EEA1: variants seen among roughly 807,000 people sequenced by gnomAD.
The protein encoded by EEA1 is early endosome antigen 1, 162kD.
A neutral mutation model predicts 209.2 loss-of-function variants in EEA1; 111 were observed. That is an observed-to-expected ratio of 0.53 (90% CI 0.45 to 0.62). EEA1 has a LOEUF of 0.62. EEA1 is among the 20% of genes least tolerant of loss of function. The pLI is 0.00. For missense variants in EEA1, 1,343 were observed against 1,530.8 expected (o/e 0.88, Z 2.05); for synonymous variants, 536 against 540.6 (o/e 0.99, Z 0.12).
chr12:92,888,494 G>A (rs1456910826), intron 2 of EEA1, among the ~76,000 whole-genome samples: 3 of 151,610 alleles, frequency 2.0e-5, no homozygotes, highest in Non-Finnish European at 4.4e-5. Flanking sequence ...GGAGAATGGC[G>A]TGAACCCGGG....
intron 9 of EEA1, 36 bp downstream of exon 9, chr12:92,851,075 A>G (rs1451713052): frequency 3.7e-6 from 6 of 1,605,252 alleles, no homozygotes; most frequent in Non-Finnish European, 5.1e-6. Flanking sequence ...ACACAAGCTA[A>G]TATGAATCAC....
At chr12:92,890,111 C>A (rs569229530) in intron 2 of EEA1, among the ~76,000 whole-genome samples, 6 of 152,222 alleles carry the variant, frequency 3.9e-5, no homozygotes, top group Admixed American at 1.3e-4. Flanking sequence ...TACCTGAAGA[C>A]GGGATTTCAA....
chr12:92,842,395 A>G (rs1306885212), intron 10 of EEA1, 70 bp downstream of exon 10: 1 of 794,942 alleles, frequency 1.3e-6, no homozygotes, highest in African/African-American at 1.8e-5. Context: ...ATATTTTTTA[A>G]AGTATGTAAG....
intron 1 of EEA1, among the ~76,000 whole-genome samples, chr12:92,925,144 G>A (rs1219390431): frequency 6.9e-6 from 1 of 144,118 alleles, no homozygotes; most frequent in Non-Finnish European, 1.5e-5. Flanking sequence ...ACCCATCATT[G>A]TCTGCACAGC....
intron 1 of EEA1, 61 bp downstream of exon 1, chr12:92,928,982 C>T (rs1276420639): frequency 1.3e-6 from 2 of 1,533,556 alleles, no homozygotes; most frequent in South Asian, 1.2e-5. Flanking sequence ...GCCCGCGCCG[C>T]GGCCCCGAGC....
intron 1 of EEA1, among the ~76,000 whole-genome samples, chr12:92,904,555 G>T (rs895264823): frequency 6.6e-6 from 1 of 152,138 alleles, no homozygotes; most frequent in Non-Finnish European, 1.5e-5. Context: ...CCTTAAGACT[G>T]CCCTCCCCTT....
intron 15 of EEA1, among the ~76,000 whole-genome samples, chr12:92,815,393 T>A (rs182768376): frequency 3.3e-4 from 50 of 152,288 alleles, no homozygotes; most frequent in Admixed American, 1.2e-3. Flanking sequence ...CCCTTATATT[T>A]GACATCCACA....
rs1875591893 is a variant in EEA1 at position 92,812,974 on chromosome 12, C to T, written c.2043+6G>A. 6.4e-7 allele frequency: 1 copy of T among 1,555,736 alleles called. No homozygotes were observed. The highest frequency in any genetic ancestry group is 8.8e-7 in the Non-Finnish European group (1 of 1,141,114). On this transcript the variant is annotated splice_donor_region_variant and intron_variant, in intron 16 of 28. Coordinates refer to ENST00000322349, the MANE Select transcript of EEA1 (RefSeq NM_003566.4). The stretch of plus-strand genomic sequence containing the variant: ...TGATAGTATGAAATTGCATCTGTTT[C>T]CCTACCTGCTGTTTATCTTGTAATG...
chr12:92,825,259 G>A (rs1592721546), intron 13 of EEA1, among the ~76,000 whole-genome samples: 2 of 152,070 alleles, frequency 1.3e-5, no homozygotes, highest in African/African-American at 4.8e-5. Flanking sequence ...AGACCATCCT[G>A]GCTAACACGG....
chr12:92,891,937 T>C (rs190375538), intron 1 of EEA1, among the ~76,000 whole-genome samples: 3 of 152,316 alleles, frequency 2.0e-5, no homozygotes, highest in Admixed American at 1.3e-4. Flanking sequence ...TTAAACAAAA[T>C]GTATACAACA....
rs184368846 is a variant in EEA1 at position 92,858,961 on chromosome 12, C to T, written c.246-1476G>A. On this transcript the variant is annotated intron_variant, in intron 3 of 28. Coordinates refer to ENST00000322349, the MANE Select transcript of EEA1 (RefSeq NM_003566.4). ...AGGAAAGGATTATACTAAGATCAAC[C>T]GTTCAGCTGCCTATGCTGCTCATTC... 1.8e-4 allele frequency: 125 copies of T among 695,812 alleles called. 2 individuals are homozygous for T. Among genetic ancestry groups the T allele is most frequent in the Admixed American group, 7.6e-4 (37 of 48,672 alleles). The allele number at this position is 695,812 out of a possible 1,614,324, so 43.1% of individuals were successfully genotyped here.
intron 13 of EEA1, among the ~76,000 whole-genome samples, chr12:92,820,070 G>T (rs138471901): frequency 6.6e-6 from 1 of 152,048 alleles, no homozygotes; most frequent in East Asian, 1.9e-4. Flanking sequence ...TGCTTACATT[G>T]TCATGCTTAT....
chr12:92,834,942 C>T (rs761976261), intron 10 of EEA1, among the ~76,000 whole-genome samples: 15 of 151,456 alleles, frequency 9.9e-5, no homozygotes, highest in Non-Finnish European at 2.2e-4. Flanking sequence ...TGCAGTGGCG[C>T]GATCTCAGCT....
chr12:92,819,566 C>T, intron 13 of EEA1, 55 bp from the exon 14 acceptor site: 2 of 1,260,068 alleles, frequency 1.6e-6, no homozygotes, highest in African/African-American at 1.5e-5. Context: ...AAAGTTATTC[C>T]TCAAACATAA....
At chr12:92,874,485 C>G (rs935432832) in intron 2 of EEA1, among the ~76,000 whole-genome samples, 6 of 152,240 alleles carry the variant, frequency 3.9e-5, no homozygotes, top group Non-Finnish European at 8.8e-5. Context: ...CCTGCCTCAG[C>G]CTCCCGAGTA....
At chr12:92,921,759 G>GAAAAAAAAAAA (rs751838383) in intron 1 of EEA1, among the ~76,000 whole-genome samples, 1 of 76,714 alleles carries the variant, frequency 1.3e-5, no homozygotes, top group East Asian at 5.5e-4. Context: ...TAAAAAAAAA[G>GAAAAAAAAAAA]AAAAAAAAAA....
intron 26 of EEA1, 26 bp from the exon 27 acceptor site, chr12:92,777,689 TA>T (rs1873716696): frequency 1.2e-6 from 2 of 1,601,172 alleles, no homozygotes; most frequent in Non-Finnish European, 1.7e-6. Context: ...AAGAGGTAAT[TA>T]ATTTTTTAGA....
At chr12:92,780,557 C>T in intron 23 of EEA1, 146 bp from the exon 24 acceptor site, 1 of 539,156 alleles carries the variant, frequency 1.9e-6, no homozygotes, top group Admixed American at 3.9e-5. Context: ...TCTCTTGGTT[C>T]TTGGCTGTTT....
In EEA1 at chr12:92,777,531, T is replaced by TA; in HGVS notation, c.4014+11dup. 1 of 1,606,258 alleles carries TA rather than the reference T, an allele frequency of 6.2e-7. No homozygotes were observed. Among genetic ancestry groups the TA allele is most frequent in the Non-Finnish European group, 8.5e-7 (1 of 1,176,538 alleles). On this transcript the variant is annotated intron_variant, in intron 27 of 28. Coordinates refer to ENST00000322349, the MANE Select transcript of EEA1 (RefSeq NM_003566.4). ...AGACTAAAAAACTGCTTCATATCCA[T>TA]AGGTGACTGACCTGAAGTGATTGGT...
Sources: allele counts gnomAD v4.1 joint callset (sites outside exome capture counted in the v4.1 genomes callset), GRCh38; gene constraint gnomAD v4.1.1; transcripts MANE v1.5; gene names NCBI Gene and HGNC (gene_info 2026-07-23, HGNC 2026-07-21).